ANO7: variants seen among roughly 807,000 people sequenced by gnomAD.
ANO7 encodes anoctamin-7.
A neutral mutation model predicts 115.8 loss-of-function variants in ANO7; 114 were observed. That is an observed-to-expected ratio of 0.98 (90% CI 0.85 to 1.15). The LOEUF (loss-of-function observed/expected upper bound fraction) is 1.15, where lower values mean the gene tolerates loss of function less well. ANO7 is among the 50% of genes most tolerant of loss of function. The pLI, the probability that ANO7 is intolerant of heterozygous loss-of-function variation, is 0.00. For missense variants in ANO7, 1,302 were observed against 1,201.2 expected, an observed-to-expected ratio of 1.08 and a Z score of -1.24; for synonymous variants, 550 against 498.2, an observed-to-expected ratio of 1.10 and a Z score of -1.38.
At chr2:241,189,571 G>T (rs1184017826) in intron 1 of ANO7, among the ~76,000 whole-genome samples, 2 of 152,178 alleles carry the variant, frequency 1.3e-5, no homozygotes, top group Non-Finnish European at 2.9e-5. Context: ...GGCCCGCCTT[G>T]CTGGGGAGCT....
the ANO7 span, chr2:241,240,236 T>C: frequency 1.2e-5 from 12 of 994,758 alleles, no homozygotes; most frequent in Admixed American, 1.8e-5. The surrounding 1 kb of genome is among the most constrained non-coding windows in gnomAD (Gnocchi z 5.5). Context: ...TTGTCACCAG[T>C]GTCCTGATGT....
chr2:241,227,910 C>A (rs952506100), downstream of ANO7: 1 of 152,212 alleles, frequency 6.6e-6, no homozygotes, highest in African/African-American at 2.4e-5. Flanking sequence ...GTTTCCTAAG[C>A]CGTGGTCACC....
At chr2:241,211,393 CTGCTG>C (rs2068717648) in intron 15 of ANO7, among the ~76,000 whole-genome samples, 1 of 152,348 alleles carries the variant, frequency 6.6e-6, no homozygotes, top group East Asian at 1.9e-4. Context: ...ATTCCATAAG[CTGCTG>C]CCTCTCACTA....
At chr2:241,215,061 C>T (rs984291055) in intron 18 of ANO7, among the ~76,000 whole-genome samples, 159 bp downstream of exon 18, 18 of 152,158 alleles carry the variant, frequency 1.2e-4, no homozygotes, top group Non-Finnish European at 2.5e-4. Flanking sequence ...CCGTCTGCCC[C>T]GGGCTCTGGG....
Position 241,215,058 on chromosome 2 carries a change from C to T in ANO7, c.1826+156C>T, listed in dbSNP as rs10189310. On this transcript the variant is annotated intron_variant, in intron 18 of 24. Coordinates refer to ENST00000674324, the MANE Select transcript of ANO7 (RefSeq NM_001370694.2). ...GAGGGGGAGTGTGCCCGGCCGTCTG[C>T]CCCGGGCTCTGGGCTGCCCGCCCTG... 6.7e-3 allele frequency among the ~76,000 whole-genome samples: 1,018 copies of T among 152,232 alleles called. 11 individuals are homozygous for T. Among genetic ancestry groups the T allele is most frequent in the African/African-American group, 0.023 (957 of 41,550 alleles).
chr2:241,203,747 G>T lies in ANO7; in HGVS notation c.889+249G>T, dbSNP rs529437000. ...AACAGTGCTGAGAGCCGCTTCTGCT[G>T]GTGGGGGTCTCTCCTGACTCCCTCC... On this transcript the variant is annotated intron_variant, in intron 9 of 24. Transcript: ENST00000674324. The surrounding 1 kb of genome is among the most constrained non-coding windows in gnomAD (Gnocchi z 4.8). Among the ~76,000 whole-genome samples, 81 of 152,154 alleles carry T rather than the reference G, an allele frequency of 5.3e-4. No individual in the cohort carries two copies. The highest frequency in any genetic ancestry group is 6.8e-3 in the Middle Eastern group (2 of 294).
At chr2:241,240,235 G>A in the ANO7 span, 1 of 994,652 alleles carries the variant, frequency 1.0e-6, no homozygotes, top group Non-Finnish European at 1.6e-6. This position sits in a 1 kb window ranked among gnomAD's most constrained non-coding sequence, Gnocchi z 5.5. Flanking sequence ...ATTGTCACCA[G>A]TGTCCTGATG....
At chr2:241,235,433 C>T in the ANO7 span, 39 of 1,478,204 alleles carry the variant, frequency 2.6e-5, no homozygotes, top group East Asian at 3.9e-4. Context: ...CACTGGCACT[C>T]GGGAGAGGAT....
intron 17 of ANO7, 40 bp downstream of exon 17, chr2:241,212,666 G>A (rs768018309): frequency 2.0e-5 from 32 of 1,583,930 alleles, no homozygotes; most frequent in Non-Finnish European, 2.7e-5. Flanking sequence ...GATGAGCTGT[G>A]TGCTTCCTCT....
At chr2:241,235,259 C>G in the ANO7 span, 1 of 1,614,140 alleles carries the variant, frequency 6.2e-7, no homozygotes, top group Non-Finnish European at 8.5e-7. Context: ...TGTTCACCTA[C>G]GTGAAGAGGG....
chr2:241,210,538 A>G lies in ANO7; in HGVS notation c.1529A>G (p.Tyr510Cys), dbSNP rs2068698571. 1 of 1,613,734 alleles carries G rather than the reference A, an allele frequency of 6.2e-7. No individual in the cohort carries two copies. The highest frequency in any genetic ancestry group is 1.3e-5 in the African/African-American group (1 of 74,988). The part of the protein sequence containing the change: ...LVFILILSKI[Y>C]VSLAHVLTRW... ...TTCATCCTCATCCTCTCCAAGATCT[A>G]TGTATCCCTGGCCCACGTCCTGACA... The change falls in exon 15 of 25, where the codon TAT becomes TGT. Residue 510 changes from tyrosine to cysteine, a missense_variant. By Grantham distance (194) the Tyr-to-Cys change is radical. Transcript: ENST00000674324.
the ANO7 span, among the ~76,000 whole-genome samples, chr2:241,238,100 G>C: frequency 6.6e-6 from 1 of 152,226 alleles, no homozygotes; most frequent in Non-Finnish European, 1.5e-5. The surrounding 1 kb of genome is among the most constrained non-coding windows in gnomAD (Gnocchi z 4.9). Context: ...TGCAGAGCAA[G>C]TGAGAGAGAG....
downstream of ANO7, chr2:241,230,259 C>T (rs752747372): frequency 1.1e-5 from 18 of 1,585,784 alleles, no homozygotes; most frequent in Admixed American, 5.2e-5. This position sits in a 1 kb window ranked among gnomAD's most constrained non-coding sequence, Gnocchi z 5.0. Flanking sequence ...CTGTGGGAAG[C>T]GAATGTCCAC....
intron 10 of ANO7, among the ~76,000 whole-genome samples, chr2:241,206,061 A>C (rs71430316): frequency 7.6e-4 from 6 of 7,934 alleles, no homozygotes; most frequent in African/African-American, 1.5e-3. Context: ...GGAGTGCTCC[A>C]AGGCTGACAG....
At chr2:241,196,964 T>C (rs1272646584) in intron 4 of ANO7, among the ~76,000 whole-genome samples, 1 of 152,102 alleles carries the variant, frequency 6.6e-6, no homozygotes, top group African/African-American at 2.4e-5. Context: ...ACTCCCCACG[T>C]GGTGGCCCCA....
the ANO7 span, chr2:241,231,237 A>T: frequency 1.5e-4 from 44 of 290,026 alleles, no homozygotes; most frequent in African/African-American, 9.3e-4. Flanking sequence ...ATACAATATT[A>T]GCCGGGCGTG....
In ANO7 at chr2:241,223,873, C is replaced by G. The variant is rs748655517; in HGVS notation, c.2533-32C>G. 3.1e-6 allele frequency: 5 copies of G among 1,614,134 alleles called. No individual in the cohort carries two copies. The Admixed American group carries it at 6.7e-5, about 22-fold the overall frequency. On this transcript the variant is annotated intron_variant, in intron 23 of 24. Transcript: ENST00000674324. ...TACCTCCGGACACTGAGTCACATCC[C>G]TCTTCCTCTTGCTGCCCTTTTTTGG...
chr2:241,230,271 T>C, downstream of ANO7: 1 of 1,566,128 alleles, frequency 6.4e-7, no homozygotes, highest in Non-Finnish European at 8.7e-7. This position sits in a 1 kb window ranked among gnomAD's most constrained non-coding sequence, Gnocchi z 5.0. Context: ...AATGTCCACC[T>C]GGAAGGGGTG....
intron 2 of ANO7, among the ~76,000 whole-genome samples, chr2:241,190,572 T>TACAA (rs2068176914): frequency 6.6e-6 from 1 of 152,198 alleles, no homozygotes; most frequent in Non-Finnish European, 1.5e-5. Flanking sequence ...TGTGAGCCTG[T>TACAA]GGGGAGAGGC....
Sources: allele counts gnomAD v4.1 joint callset (sites outside exome capture counted in the v4.1 genomes callset), GRCh38; gene constraint gnomAD v4.1.1; non-coding constraint Gnocchi (gnomAD v3.1); transcripts MANE v1.5; gene names NCBI Gene and HGNC (gene_info 2026-07-23, HGNC 2026-07-21).